ITPR2: variants seen among roughly 807,000 people sequenced by gnomAD.
ITPR2 encodes the protein inositol 1,4,5-trisphosphate receptor type 2.
In ITPR2, 207 loss-of-function variants were observed where a neutral mutation model predicts 317.1. The ratio of observed to expected loss-of-function variants is 0.65; its 90% CI spans 0.58 to 0.73. The LOEUF (loss-of-function observed/expected upper bound fraction) is 0.73, where lower values mean the gene tolerates loss of function less well. Among genes scored for constraint, ITPR2 ranks in the 30% least tolerant of loss-of-function variants. The pLI is 0.00. For missense variants in ITPR2, 2,613 were observed against 3,284.0 expected (o/e 0.80, Z 4.99); for synonymous variants, 1,156 against 1,149.1 (o/e 1.01, Z -0.12).
chr12:26,684,322 A>C (rs981222155), intron 11 of ITPR2, among the ~76,000 whole-genome samples: 2 of 152,304 alleles, frequency 1.3e-5, no homozygotes, highest in South Asian at 4.2e-4. Context: ...AAAAGAGTAA[A>C]GCCTGCACCC....
chr12:26,411,218 A>G, intron 52 of ITPR2, 102 bp downstream of exon 52: 1 of 735,056 alleles, frequency 1.4e-6, no homozygotes, highest in South Asian at 1.7e-5. Context: ...ATTTCAATCC[A>G]TCATGAAATT....
intron 36 of ITPR2, among the ~76,000 whole-genome samples, chr12:26,551,995 C>G (rs75061107): frequency 6.6e-6 from 1 of 152,008 alleles, no homozygotes; most frequent in Non-Finnish European, 1.5e-5. Flanking sequence ...ATGATGGCAG[C>G]GGGAAAGATG....
chr12:26,657,612 C>T, intron 18 of ITPR2, 95 bp downstream of exon 18: 2 of 978,808 alleles, frequency 2.0e-6, no homozygotes, highest in Non-Finnish European at 3.1e-6. Flanking sequence ...TTAAAATTGC[C>T]TCTTCATAGA....
chr12:26,479,157 A>C (rs185493775), intron 43 of ITPR2, among the ~76,000 whole-genome samples: 2 of 150,626 alleles, frequency 1.3e-5, no homozygotes, highest in Non-Finnish European at 3.0e-5. Context: ...AAAAAAAAAA[A>C]AACTATACTT....
At position 26,400,140 on chromosome 12, in the gene ITPR2, C is replaced by T. The variant is rs764968832; in HGVS notation, c.7518G>A (p.Arg2506=). The change falls in exon 53 of 57, where the codon AGG becomes AGA. Residue 2506 remains arginine, a synonymous_variant. Coordinates refer to ENST00000381340, the MANE Select transcript of ITPR2 (RefSeq NM_002223.4). Reference sequence around the variant, plus strand: ...TACTCTGGCTTACATCTTTCGATGGCCTTCTTAGCACATCCCCCACACCAC... The same window carrying T: ...TACTCTGGCTTACATCTTTCGATGGTCTTCTTAGCACATCCCCCACACCAC... ...NGGGVGDVLR[R]PSKDEPLFAA... 18 of 1,609,278 alleles carry T rather than the reference C, an allele frequency of 1.1e-5. No homozygotes were observed. Among genetic ancestry groups the T allele is most frequent in the Non-Finnish European group, 1.5e-5 (18 of 1,177,282 alleles).
chr12:26,715,356 C>T lies in ITPR2; in HGVS notation c.798G>A (p.Thr266=), dbSNP rs2230383. 45,587 of 1,613,382 alleles carry T rather than the reference C, an allele frequency of 0.028. 2,512 individuals are homozygous for T. The highest frequency in any genetic ancestry group is 0.24 in the African/African-American group (17,720 of 74,902). The change falls in exon 8 of 57, where the codon ACG becomes ACA. Residue 266 remains threonine (T), a synonymous_variant. Transcript: ENST00000381340. ...CAGAAGTAGCTGATTGGCGCAAGGT[C>T]GTACGAAGGAAAATGTGCTGTTTTT... ...YEKKQHIFLR[T]TLRQSATSAT...
chr12:26,631,811 T>G, intron 22 of ITPR2, 55 bp downstream of exon 22: 1 of 1,494,110 alleles, frequency 6.7e-7, no homozygotes, highest in Non-Finnish European at 9.3e-7. Flanking sequence ...GGTAAGAAGT[T>G]AAATCAATAA....
chr12:26,355,563 A>G (rs963278083), intron 55 of ITPR2, among the ~76,000 whole-genome samples: 1 of 152,248 alleles, frequency 6.6e-6, no homozygotes, highest in African/African-American at 2.4e-5. Flanking sequence ...AAAAATGCCT[A>G]TAACAATGGG....
chr12:26,553,040 T>G (rs1285129353), intron 36 of ITPR2, among the ~76,000 whole-genome samples: 1 of 152,140 alleles, frequency 6.6e-6, no homozygotes, highest in Non-Finnish European at 1.5e-5. Context: ...AGTAAAGAAG[T>G]ACCTGTGTGG....
At chr12:26,577,348 C>A (rs1945299205) in intron 34 of ITPR2, among the ~76,000 whole-genome samples, 1 of 152,118 alleles carries the variant, frequency 6.6e-6, no homozygotes, top group Non-Finnish European at 1.5e-5. Context: ...AAGAATGGTT[C>A]CAGGTGTGGA....
At chr12:26,781,989 C>T (rs1405263974) in intron 2 of ITPR2, among the ~76,000 whole-genome samples, 1 of 73,562 alleles carries the variant, frequency 1.4e-5, no homozygotes, top group Non-Finnish European at 2.5e-5. Flanking sequence ...AATAAACTCC[C>T]CTGTATATAT....
chr12:26,360,163 T>C (rs1938780914), intron 55 of ITPR2, among the ~76,000 whole-genome samples: 1 of 152,150 alleles, frequency 6.6e-6, no homozygotes, highest in African/African-American at 2.4e-5. Context: ...CCCATTTGTG[T>C]ATCTGGACTG....
At position 26,831,154 on chromosome 12, in the gene ITPR2, T is replaced by G. The variant is rs1423591498; in HGVS notation, c.92+1536A>C. Among the ~76,000 whole-genome samples the G allele has an allele frequency of 6.6e-6, 1 of 152,174 alleles. No homozygotes were observed. Among genetic ancestry groups the G allele is most frequent in the Non-Finnish European group, 1.5e-5 (1 of 68,028 alleles). ...TTGCTGGAGGCCCAGAAACTGAACT[T>G]GTATCATGAATGATCTCAAAAACAG... On this transcript the variant is annotated intron_variant, in intron 1 of 56. Transcript: ENST00000381340. This position sits in a 1 kb window ranked among gnomAD's most constrained non-coding sequence, Gnocchi z 4.9.
At chr12:26,715,014 T>C (rs1176200980) in intron 8 of ITPR2, among the ~76,000 whole-genome samples, 2 of 152,210 alleles carry the variant, frequency 1.3e-5, no homozygotes, top group Admixed American at 6.5e-5. Context: ...ACAATTGATT[T>C]GTTAAAAGTA....
intron 37 of ITPR2, among the ~76,000 whole-genome samples, chr12:26,500,364 G>T (rs1340992221): frequency 7.5e-6 from 1 of 133,742 alleles, no homozygotes; most frequent in African/African-American, 2.6e-5. Context: ...ATTATGAAAA[G>T]AATTTCACCA....
At chr12:26,674,118 G>A in intron 13 of ITPR2, among the ~76,000 whole-genome samples, 3 of 140,550 alleles carry the variant, frequency 2.1e-5, no homozygotes, top group African/African-American at 5.2e-5. Context: ...TGGCCATACT[G>A]CCCAAGGTAA....
chr12:26,588,859 G>C (rs1206460130), intron 32 of ITPR2, among the ~76,000 whole-genome samples: 1 of 152,182 alleles, frequency 6.6e-6, no homozygotes, highest in Non-Finnish European at 1.5e-5. Flanking sequence ...CATTCTGCTA[G>C]TACATCACTT....
intron 45 of ITPR2, among the ~76,000 whole-genome samples, chr12:26,472,036 C>G (rs1242553257): frequency 6.6e-6 from 1 of 152,212 alleles, no homozygotes; most frequent in African/African-American, 2.4e-5. Flanking sequence ...CAAGGAGTCA[C>G]CTGCAGAAAG....
At position 26,782,024 on chromosome 12, in the gene ITPR2, ATATATATATG is replaced by A. The variant is rs1449061544; in HGVS notation, c.163+8123_163+8132del. Among the ~76,000 whole-genome samples, 243 of 29,436 alleles carry A rather than the reference ATATATATATG, an allele frequency of 8.3e-3. 1 individual carries two copies. The highest frequency in any genetic ancestry group is 0.01 in the African/African-American group (89 of 8,764). The allele number at this position is 29,436 out of a possible 152,430, so 19.3% of individuals were successfully genotyped here. ...TATATATATATATATATATATATAT[ATATATATATG>A]TATAGAGAGAGAGAGAGAGAGAGAG... On this transcript the variant is annotated intron_variant, in intron 2 of 56. Transcript: ENST00000381340.
Sources: gnomAD v4.1 joint callset for allele counts (sites outside exome capture counted in the v4.1 genomes callset) on GRCh38, gnomAD v4.1.1 for gene constraint, Gnocchi (gnomAD v3.1) non-coding constraint, MANE v1.5 for transcripts, NCBI Gene and HGNC (gene_info 2026-07-23, HGNC 2026-07-21) for gene names.